ZNF280D: variants seen among roughly 807,000 people sequenced by gnomAD.
ZNF280D encodes suppressor of hairy wing homolog 4.
In ZNF280D, 39 loss-of-function variants were observed where a neutral mutation model predicts 94.7. The ratio of observed to expected loss-of-function variants is 0.41; its 90% CI spans 0.32 to 0.54. The LOEUF is 0.54. Among genes scored for constraint, ZNF280D ranks in the 20% least tolerant of loss-of-function variants. The pLI is 0.22. For synonymous variants in ZNF280D, 398 were observed against 377.6 expected (o/e 1.05, Z -0.63); for missense variants, 1,090 against 1,149.3 (o/e 0.95, Z 0.75).
At chr15:56,707,566 G>C (rs982844390) in intron 1 of ZNF280D, among the ~76,000 whole-genome samples, 1 of 152,048 alleles carries the variant, frequency 6.6e-6, no homozygotes. Flanking sequence ...GTAAAAACGA[G>C]TAAACACCTT....
chr15:56,721,414 C>T (rs1184772212), intron 1 of ZNF280D, among the ~76,000 whole-genome samples: 1 of 152,172 alleles, frequency 6.6e-6, no homozygotes, highest in Non-Finnish European at 1.5e-5. Context: ...ATGACTTCTC[C>T]TTTCTAGCTA....
At chr15:56,719,233 T>G (rs1220337087) in intron 1 of ZNF280D, among the ~76,000 whole-genome samples, 1 of 152,096 alleles carries the variant, frequency 6.6e-6, no homozygotes, top group African/African-American at 2.4e-5. Flanking sequence ...GAGAGGTGTT[T>G]GGGTGGAAGA....
At chr15:56,639,290 A>G (rs2052508647) in intron 20 of ZNF280D, among the ~76,000 whole-genome samples, 1 of 130,000 alleles carries the variant, frequency 7.7e-6, no homozygotes, top group Non-Finnish European at 1.7e-5. Context: ...TAAATGAGCT[A>G]AAAAAAAAAA....
intron 9 of ZNF280D, among the ~76,000 whole-genome samples, chr15:56,687,534 T>C (rs1234496378): frequency 1.3e-5 from 2 of 152,164 alleles, no homozygotes; most frequent in Non-Finnish European, 2.9e-5. Flanking sequence ...TGAGTCATAC[T>C]AGGAACCAGG....
chr15:56,650,711 A>G (rs1355802603), intron 19 of ZNF280D, among the ~76,000 whole-genome samples: 1 of 152,176 alleles, frequency 6.6e-6, no homozygotes, highest in African/African-American at 2.4e-5. Context: ...TCTATTCTCA[A>G]CTTTTTGTCA....
chr15:56,654,453 C>T lies in ZNF280D; in HGVS notation c.2108G>A (p.Gly703Asp), dbSNP rs778280236. The change falls in exon 18 of 22, where the codon GGC becomes GAC. Residue 703 changes from glycine (G) to aspartate (D), a missense_variant. Gly to Asp is a moderately conservative substitution (Grantham distance 94). This residue lies in a region of ZNF280D where 577 missense variants were observed against 568.8 expected (regional missense o/e 1.01). Transcript: ENST00000267807. ...LNCDFLSDVS[G>D]LDNMATHLSQ... ...TAAGTGTGTAGCCATATTATCTAAGCCAGAAACATCACTTAGGAAATCACA... is the reference window on the plus strand; with the variant it reads ...TAAGTGTGTAGCCATATTATCTAAGTCAGAAACATCACTTAGGAAATCACA... 1.9e-5 allele frequency: 30 copies of T among 1,610,468 alleles called. No homozygotes were observed. Among genetic ancestry groups the T allele is most frequent in the Middle Eastern group, 1.7e-4 (1 of 5,994 alleles).
At chr15:56,688,424 G>C (rs2056189953) in intron 9 of ZNF280D, among the ~76,000 whole-genome samples, 1 of 149,956 alleles carries the variant, frequency 6.7e-6, no homozygotes, top group South Asian at 2.1e-4. Context: ...CTGGGAGGTG[G>C]AGCTTGCAGT....
intron 20 of ZNF280D, among the ~76,000 whole-genome samples, chr15:56,642,624 A>T (rs1213479702): frequency 1.3e-5 from 2 of 151,766 alleles, no homozygotes; most frequent in Non-Finnish European, 3.0e-5. Context: ...GGAAAGATTA[A>T]TTTTTCCAGT....
rs567004534 is a variant in ZNF280D at position 56,684,929 on chromosome 15, T to G, written c.781-2452A>C. Among the ~76,000 whole-genome samples, 51 of 152,262 alleles carry G rather than the reference T, an allele frequency of 3.3e-4. 1 individual carries two copies. The highest frequency in any genetic ancestry group is 3.1e-3 in the Admixed American group (48 of 15,290). ...TTCCCAACACCAAGTTATATCATTA[T>G]AAAATTATCAGTCTTCAAAACATAA... On this transcript the variant is annotated intron_variant, in intron 9 of 21. Transcript: ENST00000267807.
chr15:56,666,524 C>T lies in ZNF280D; in HGVS notation c.1865G>A (p.Gly622Asp), dbSNP rs1246720790. Residue 622 changes from glycine (G) to aspartate (D), a missense_variant, in exon 16 of 22, where the codon GGC becomes GAC. Transcript: ENST00000267807. Reference sequence around the variant, plus strand: ...ACAACACTCAATGCATTTGTGAATGCCCCGACGATACCTTAGGGAGACATT... The same window carrying T: ...ACAACACTCAATGCATTTGTGAATGTCCCGACGATACCTTAGGGAGACATT... ...TALRNLRYRR[G>D]IHKCIECCSE... 11 of 1,591,970 alleles carry T rather than the reference C, an allele frequency of 6.9e-6. No homozygotes were observed. The highest frequency in any genetic ancestry group is 8.5e-6 in the Non-Finnish European group (10 of 1,174,386).
At chr15:56,648,816 A>C (rs1471082277) in intron 19 of ZNF280D, among the ~76,000 whole-genome samples, 3 of 152,210 alleles carry the variant, frequency 2.0e-5, no homozygotes, top group Non-Finnish European at 4.4e-5. Flanking sequence ...CTTCTTGCTC[A>C]GAATCTGCTT....
chr15:56,712,373 G>T (rs1457744022), intron 1 of ZNF280D, among the ~76,000 whole-genome samples: 1 of 151,834 alleles, frequency 6.6e-6, no homozygotes, highest in Admixed American at 6.6e-5. Flanking sequence ...GGGCATAGTG[G>T]CTCATGCCTC....
chr15:56,690,391 A>T (rs1284330406), intron 7 of ZNF280D, among the ~76,000 whole-genome samples: 6 of 152,302 alleles, frequency 3.9e-5, no homozygotes, highest in South Asian at 2.1e-4. Context: ...CAAAAAAAAT[A>T]AAAAAACAAA....
At chr15:56,691,762 T>C (rs886124883) in intron 7 of ZNF280D, among the ~76,000 whole-genome samples, 3 of 152,190 alleles carry the variant, frequency 2.0e-5, no homozygotes, top group Non-Finnish European at 2.9e-5. Context: ...TTGTCAAGTC[T>C]TTTAAAGCTT....
intron 1 of ZNF280D, among the ~76,000 whole-genome samples, chr15:56,716,003 A>G (rs1183259689): frequency 6.6e-6 from 1 of 152,198 alleles, no homozygotes; most frequent in Non-Finnish European, 1.5e-5. Context: ...GAGATGATTT[A>G]AAGTATATGA....
chr15:56,713,637 A>G (rs1469412569), intron 1 of ZNF280D, among the ~76,000 whole-genome samples: 1 of 152,228 alleles, frequency 6.6e-6, no homozygotes, highest in Non-Finnish European at 1.5e-5. Context: ...TGAATTCTCA[A>G]CTATGAATAA....
chr15:56,685,106 A>G (rs1277685387), intron 9 of ZNF280D, among the ~76,000 whole-genome samples: 1 of 152,186 alleles, frequency 6.6e-6, no homozygotes, highest in Non-Finnish European at 1.5e-5. Context: ...TGATAGTGGG[A>G]TTCAATTTAC....
chr15:56,706,092 G>C (rs974193732), intron 3 of ZNF280D, among the ~76,000 whole-genome samples: 3 of 132,806 alleles, frequency 2.3e-5, no homozygotes, highest in Non-Finnish European at 4.7e-5. Context: ...TAGTAGGGTG[G>C]GCCCTAATCT....
At chr15:56,657,265 T>C (rs545258792) in intron 17 of ZNF280D, among the ~76,000 whole-genome samples, 9 of 152,186 alleles carry the variant, frequency 5.9e-5, no homozygotes, top group Middle Eastern at 3.4e-3. Flanking sequence ...TATCAACAGT[T>C]CTTTCAGTAT....
Sources: gnomAD v4.1 joint callset for allele counts (sites outside exome capture counted in the v4.1 genomes callset) on GRCh38, gnomAD v4.1.1 for gene constraint, gnomAD v4.1.1 regional missense constraint, MANE v1.5 for transcripts, NCBI Gene and HGNC (gene_info 2026-07-23, HGNC 2026-07-21) for gene names.